The following MAP2K5 variants were observed in gnomAD, a reference collection of about 807,000 sequenced individuals.
The protein encoded by MAP2K5 is dual specificity mitogen-activated protein kinase kinase 5.
In MAP2K5, 49 loss-of-function variants were observed where a neutral mutation model predicts 83.1. That is an observed-to-expected ratio of 0.59 (90% CI 0.47 to 0.75). MAP2K5 has a LOEUF of 0.75. Ranked by LOEUF, MAP2K5 falls within the 30% of genes least tolerant of loss-of-function variation. The pLI is 0.00. For missense variants in MAP2K5, 457 were observed against 557.5 expected, an observed-to-expected ratio of 0.82 and a Z score of 1.82; for synonymous variants, 202 against 191.8, an observed-to-expected ratio of 1.05 and a Z score of -0.44.
chr15:67,628,089 G>A lies in MAP2K5; in HGVS notation c.546-2799G>A, dbSNP rs919701205. On this transcript the variant is annotated intron_variant, in intron 8 of 21. Transcript: ENST00000178640. ...GAATGCAAGGCCACGCAAGGTGGAC[G>A]GAAGAGCTGTGGGAACAAAGAGAGC... 2.0e-5 allele frequency: 15 copies of A among 754,714 alleles called. No individual in the cohort carries two copies. In the African/African-American group the frequency reaches 2.1e-4, roughly 10 times the overall value. 46.8% of individuals were successfully genotyped at this position (754,714 alleles called of 1,614,324 possible).
At position 67,746,437 on chromosome 15, in the gene MAP2K5, G is replaced by A. The variant is rs73427929; in HGVS notation, c.1075-1794G>A. On this transcript the variant is annotated intron_variant, in intron 17 of 21. Transcript: ENST00000178640. The surrounding 1 kb of genome is among the most constrained non-coding windows in gnomAD (Gnocchi z 4.1). ...ATCTTACTAGGAATGTAGGGGTGGG[G>A]GGAGTATCAGTGTGTGCTTGAAAAA... 0.043 allele frequency among the ~76,000 whole-genome samples: 6,499 copies of A among 151,880 alleles called. 421 individuals carry two copies. Among genetic ancestry groups the A allele is most frequent in the African/African-American group, 0.14 (5,938 of 41,342 alleles).
intron 13 of MAP2K5, among the ~76,000 whole-genome samples, chr15:67,685,044 A>C (rs755063026): frequency 1.3e-5 from 2 of 152,216 alleles, no homozygotes; most frequent in Non-Finnish European, 2.9e-5. Flanking sequence ...TAATTTGAAG[A>C]AATAATGGCT....
At chr15:67,740,482 C>G (rs2089468477) in intron 17 of MAP2K5, among the ~76,000 whole-genome samples, 1 of 152,066 alleles carries the variant, frequency 6.6e-6, no homozygotes, top group Non-Finnish European at 1.5e-5. Context: ...GTCCCAGCTA[C>G]TCAGGAGGCG....
In MAP2K5 at chr15:67,801,985, A is replaced by G. The variant is rs2090714662; in HGVS notation, c.1243-4661A>G. Among the ~76,000 whole-genome samples the G allele has an allele frequency of 6.6e-6, 1 of 152,214 alleles. No homozygotes were observed. The highest frequency in any genetic ancestry group is 1.5e-5 in the Non-Finnish European group (1 of 68,038). ...GACAGCGAGGTGTCATTAAATGAGC[A>G]CTGGACTGGAAGTCCAGCCCCACAG... On this transcript the variant is annotated intron_variant, in intron 21 of 21. Transcript: ENST00000178640. The surrounding 1 kb of genome is among the most constrained non-coding windows in gnomAD (Gnocchi z 4.8).
chr15:67,693,075 G>A (rs560886139), intron 14 of MAP2K5, among the ~76,000 whole-genome samples: 9 of 152,192 alleles, frequency 5.9e-5, no homozygotes, highest in South Asian at 2.1e-4. Context: ...AGACCAAAGC[G>A]AAGGTCATCG....
chr15:67,553,919 C>CAAAAAAAAAA (rs71142378), intron 2 of MAP2K5, among the ~76,000 whole-genome samples: 4 of 80,090 alleles, frequency 5.0e-5, no homozygotes, highest in Non-Finnish European at 6.5e-5. Flanking sequence ...GACTCCATCT[C>CAAAAAAAAAA]AAAAAAAAAA....
intron 19 of MAP2K5, among the ~76,000 whole-genome samples, chr15:67,765,465 A>G (rs1437559524): frequency 6.6e-6 from 1 of 152,240 alleles, no homozygotes; most frequent in African/African-American, 2.4e-5. Flanking sequence ...CCAGTTTTAC[A>G]TGCACTTGTA....
chr15:67,646,840 C>T (rs1043315470), intron 11 of MAP2K5, among the ~76,000 whole-genome samples: 1 of 152,172 alleles, frequency 6.6e-6, no homozygotes, highest in African/African-American at 2.4e-5. Flanking sequence ...TCTATTAACC[C>T]AATGTCCTGT....
chr15:67,799,303 A>G (rs1284574505), intron 21 of MAP2K5, among the ~76,000 whole-genome samples: 1 of 152,282 alleles, frequency 6.6e-6, no homozygotes, highest in Non-Finnish European at 1.5e-5. Context: ...AAGACTCCAC[A>G]TCTTTGGTGC....
At position 67,783,344 on chromosome 15, in the gene MAP2K5, A is replaced by T. The variant is rs2090361774; in HGVS notation, c.1242+10592A>T. Among the ~76,000 whole-genome samples, 1 of 151,808 alleles carries T rather than the reference A, an allele frequency of 6.6e-6. No homozygotes were observed. The highest frequency in any genetic ancestry group is 2.1e-4 in the South Asian group (1 of 4,808). Reference sequence around the variant, plus strand: ...CTCACCTACCCCTTCACCTCAGGCCACTCCTGTGGAGTCCTGTGCTCCAAA... The same window carrying T: ...CTCACCTACCCCTTCACCTCAGGCCTCTCCTGTGGAGTCCTGTGCTCCAAA... On this transcript the variant is annotated intron_variant, in intron 21 of 21. Transcript: ENST00000178640. This position sits in a 1 kb window ranked among gnomAD's most constrained non-coding sequence, Gnocchi z 5.1.
Position 67,755,677 on chromosome 15 carries a change from A to C in MAP2K5, c.1134+7076A>C, listed in dbSNP as rs1012164670. 2.6e-5 allele frequency among the ~76,000 whole-genome samples: 4 copies of C among 152,228 alleles called. No homozygotes were observed. The highest frequency in any genetic ancestry group is 9.7e-5 in the African/African-American group (4 of 41,450). ...TTTTAGTACCACCATAATGATGTGC[A>C]TATGCCAGCCAGACAGATAAGTAAA... On this transcript the variant is annotated intron_variant, in intron 19 of 21. Coordinates refer to ENST00000178640, the MANE Select transcript of MAP2K5 (RefSeq NM_145160.3). This position sits in a 1 kb window ranked among gnomAD's most constrained non-coding sequence, Gnocchi z 4.7.
At chr15:67,550,207 T>A in intron 2 of MAP2K5, 125 bp downstream of exon 2, 1 of 621,022 alleles carries the variant, frequency 1.6e-6, no homozygotes. Flanking sequence ...ATGGTACATT[T>A]AAATATTTAT....
chr15:67,620,903 G>A (rs1236057409), intron 8 of MAP2K5, among the ~76,000 whole-genome samples: 5 of 152,128 alleles, frequency 3.3e-5, no homozygotes, highest in Non-Finnish European at 5.9e-5. Flanking sequence ...AGGAAGAGAA[G>A]TCGATAGGTG....
intron 13 of MAP2K5, among the ~76,000 whole-genome samples, chr15:67,672,045 C>T (rs1208519169): frequency 1.3e-5 from 2 of 151,962 alleles, no homozygotes; most frequent in Non-Finnish European, 2.9e-5. Context: ...GCCACATTTT[C>T]TTAATCCAGT....
At chr15:67,612,340 G>A (rs2085943993) in intron 8 of MAP2K5, among the ~76,000 whole-genome samples, 1 of 152,052 alleles carries the variant, frequency 6.6e-6, no homozygotes, top group African/African-American at 2.4e-5. Flanking sequence ...ACAGAATGTT[G>A]CCTAATTTTT....
At chr15:67,617,952 C>T (rs1273399839) in intron 8 of MAP2K5, among the ~76,000 whole-genome samples, 3 of 152,180 alleles carry the variant, frequency 2.0e-5, no homozygotes, top group Non-Finnish European at 4.4e-5. Context: ...CCTCAGCCTC[C>T]CAAAGTGTTG....
rs2087451036 is a variant in MAP2K5 at position 67,668,805 on chromosome 15, G to A, written c.847+4160G>A. Reference sequence around the variant, plus strand: ...CATTCTGGGGCCATCTTACACAGATGCAGAAGTTTATAGAAGAAAAAAAAA... The same window carrying A: ...CATTCTGGGGCCATCTTACACAGATACAGAAGTTTATAGAAGAAAAAAAAA... On this transcript the variant is annotated intron_variant, in intron 13 of 21. Transcript: ENST00000178640. The surrounding 1 kb of genome is among the most constrained non-coding windows in gnomAD (Gnocchi z 4.0). Among the ~76,000 whole-genome samples the A allele has an allele frequency of 6.6e-6, 1 of 151,764 alleles. No individual in the cohort carries two copies. Among genetic ancestry groups the A allele is most frequent in the African/African-American group, 2.4e-5 (1 of 41,200 alleles).
chr15:67,600,648 A>C, intron 7 of MAP2K5, 37 bp from the exon 8 acceptor site: 3 of 1,547,060 alleles, frequency 1.9e-6, no homozygotes, highest in South Asian at 1.1e-5. Context: ...CATCCACAGC[A>C]TGACACCCTT....
intron 13 of MAP2K5, among the ~76,000 whole-genome samples, chr15:67,683,559 C>T (rs530996083): frequency 1.3e-5 from 2 of 151,992 alleles, no homozygotes; most frequent in Non-Finnish European, 2.9e-5. Flanking sequence ...GTCAGGAGTT[C>T]GAGACCAGCT....
Sources: gnomAD v4.1 joint callset for allele counts (sites outside exome capture counted in the v4.1 genomes callset) on GRCh38, gnomAD v4.1.1 for gene constraint, Gnocchi (gnomAD v3.1) non-coding constraint, MANE v1.5 for transcripts, NCBI Gene and HGNC (gene_info 2026-07-23, HGNC 2026-07-21) for gene names.